BIN1: variants seen among roughly 807,000 people sequenced by gnomAD.
The protein encoded by BIN1 is bridging integrator 1.
BIN1 carries 53 observed loss-of-function variants against 82.0 expected under a neutral mutation model. The observed-to-expected ratio is 0.65, with a 90% CI of 0.52 to 0.81. The LOEUF is 0.81. Among genes scored for constraint, BIN1 ranks in the 40% least tolerant of loss-of-function variants. The pLI is 0.00. For synonymous variants in BIN1, 302 were observed against 328.0 expected, an observed-to-expected ratio of 0.92 and a Z score of 0.86; for missense variants, 642 against 784.4, an observed-to-expected ratio of 0.82 and a Z score of 2.17.
At chr2:127,096,445 C>CCCTCACACAT (rs1302825987) in intron 1 of BIN1, among the ~76,000 whole-genome samples, 1 of 152,166 alleles carries the variant, frequency 6.6e-6, no homozygotes, top group African/African-American at 2.4e-5. Flanking sequence ...CTGCGTGCTT[C>CCCTCACACAT]CCTCACACAT....
chr2:127,065,987 T>C (rs769910711), intron 7 of BIN1, among the ~76,000 whole-genome samples: 2 of 152,172 alleles, frequency 1.3e-5, no homozygotes, highest in South Asian at 4.1e-4. Context: ...CAGAGTCACA[T>C]GGGCCCGGGG....
rs140032790 is a variant in BIN1, at chr2:127,067,177, G to C, written c.612+986C>G. ...ATGAAGATGATGAAATCAAGAGGAG[G>C]CTCCGAAAAAATGGGGCAGCTGCCC... On this transcript the variant is annotated intron_variant, in intron 7 of 18. Coordinates refer to ENST00000316724, the MANE Select transcript of BIN1 (RefSeq NM_139343.3). This position sits in a 1 kb window ranked among gnomAD's most constrained non-coding sequence, Gnocchi z 4.7. Among the ~76,000 whole-genome samples the C allele has an allele frequency of 4.3e-3, 658 of 152,134 alleles. 7 individuals carry two copies. The highest frequency in any genetic ancestry group is 0.015 in the African/African-American group (633 of 41,502).
At chr2:127,056,712 G>A (rs1006351056) in intron 12 of BIN1, among the ~76,000 whole-genome samples, 3 of 152,210 alleles carry the variant, frequency 2.0e-5, no homozygotes, top group East Asian at 3.8e-4. Flanking sequence ...CGGGGAGTGC[G>A]GGGAAGGCCG....
chr2:127,073,551 A>T (rs1257895719), intron 2 of BIN1, among the ~76,000 whole-genome samples: 2 of 152,186 alleles, frequency 1.3e-5, no homozygotes, highest in Non-Finnish European at 2.9e-5. Context: ...CAGTCCCCAC[A>T]GGTGGCCTGA....
chr2:127,063,578 A>G lies in BIN1; in HGVS notation c.767T>C (p.Met256Thr), dbSNP rs975404965. The G allele has an allele frequency of 1.7e-5, 28 of 1,613,700 alleles. No individual in the cohort carries two copies. Among genetic ancestry groups the G allele is most frequent in the Non-Finnish European group, 2.4e-5 (28 of 1,179,928 alleles). The change falls in exon 9 of 19, where the codon ATG becomes ACG. Residue 256 changes from methionine to threonine, a missense_variant. By Grantham distance (81) the Met-to-Thr change is moderately conservative. Coordinates refer to ENST00000316724, the MANE Select transcript of BIN1 (RefSeq NM_139343.3). ...AGLEENFHKE[M>T]SKLNQNLNDV... ...GGGGTCCCCATGGCCTACCTTGCTC[A>G]TCTCCTTGTGGAAGTTTTCCTCCAG...
rs917924946 is a variant in BIN1, at chr2:127,080,345, G to A, written c.85-3639C>T. 3.9e-5 allele frequency among the ~76,000 whole-genome samples: 6 copies of A among 152,368 alleles called. No individual in the cohort carries two copies. In the East Asian group the frequency reaches 9.6e-4, roughly 24 times the overall value. On this transcript the variant is annotated intron_variant, in intron 1 of 18. Transcript: ENST00000316724. ...CTGAGGGACACAGGGGACTCCAGGTGTCCAGGAGGGGCTGGCCCAGCAGCG... is the reference window on the plus strand; with the variant it reads ...CTGAGGGACACAGGGGACTCCAGGTATCCAGGAGGGGCTGGCCCAGCAGCG...
rs780463774 is a variant in BIN1 at position 127,069,015 on chromosome 2, C to T, written c.428G>A (p.Arg143Gln). ...FPDIKSRIAK[R>Q]GRKLVDYDSA... ...GTCGTAGTCCACCAGCTTGCGCCCC[C>T]GCTTGGCAATGCGTGACTGGGGCAG... Residue 143 changes from arginine (R) to glutamine (Q), a missense_variant, in exon 6 of 19, where the codon CGG becomes CAG. By Grantham distance (43) the Arg-to-Gln change is conservative. Coordinates refer to ENST00000316724, the MANE Select transcript of BIN1 (RefSeq NM_139343.3). The T allele has an allele frequency of 3.1e-6, 5 of 1,614,136 alleles. No individual in the cohort carries two copies. The highest frequency in any genetic ancestry group is 2.2e-5 in the South Asian group (2 of 91,086).
In BIN1 at chr2:127,048,187, G is replaced by T. The variant is rs1009331323; in HGVS notation, c.*339C>A. On this transcript the variant is annotated 3_prime_UTR_variant, in exon 19 of 19. Coordinates refer to ENST00000316724, the MANE Select transcript of BIN1 (RefSeq NM_139343.3). ...GCCAGGAAAAGAGGACCCTTGCCCG[G>T]GTGGCGCGGCCGAAGCTTCAGGCAA... 5.4e-6 allele frequency: 2 copies of T among 373,202 alleles called. No homozygotes were observed. Among genetic ancestry groups the T allele is most frequent in the Non-Finnish European group, 1.0e-5 (2 of 196,898 alleles). The allele number at this position is 373,202 out of a possible 1,614,324, so 23.1% of individuals were successfully genotyped here.
chr2:127,051,372 A>AAG, intron 15 of BIN1, 129 bp from the exon 16 acceptor site: 1 of 896,368 alleles, frequency 1.1e-6, no homozygotes, highest in Non-Finnish European at 1.8e-6. Flanking sequence ...AGCAGGGTCT[A>AAG]GAGCTGCCCA....
intron 12 of BIN1, chr2:127,054,466 ATGCCACAGCCACCCTCAG>A (rs1275313088): frequency 5.2e-6 from 1 of 194,090 alleles, no homozygotes; most frequent in African/African-American, 2.3e-5. Context: ...GAGTAACACC[ATGCCACAGCCACCCTCAG>A]TGCTCCCGAC....
chr2:127,063,550 A>G, intron 9 of BIN1, 21 bp downstream of exon 9: 5 of 1,612,184 alleles, frequency 3.1e-6, no homozygotes, highest in South Asian at 1.1e-5. Context: ...GTGGCCCCTC[A>G]GAGGGGTCCC....
At position 127,052,715 on chromosome 2, in the gene BIN1, C is replaced by A. The variant is rs549017238; in HGVS notation, c.1264-353G>T. The A allele has an allele frequency of 2.6e-4, 89 of 345,698 alleles. No individual in the cohort carries two copies. The East Asian group carries it at 3.0e-3, about 11-fold the overall frequency. 21.4% of individuals were successfully genotyped at this position (345,698 alleles called of 1,614,324 possible). ...AGGAGCCTGGGCTGCCAGCGCATGC[C>A]CCAAGGGCGCCTGCACACCCGCCTG... On this transcript the variant is annotated intron_variant, in intron 14 of 18. Transcript: ENST00000316724.
rs913225630 is a variant in BIN1 at position 127,068,904 on chromosome 2, G to A, written c.519+20C>T. 19 of 1,607,276 alleles carry A rather than the reference G, an allele frequency of 1.2e-5. No homozygotes were observed. Among genetic ancestry groups the A allele is most frequent in the Admixed American group, 5.0e-5 (3 of 59,994 alleles). ...CTCAGCCCCCTGCAGACGCTGCCCC[G>A]ACCCGCCTCCAGCCCTTACCTTGGC... On this transcript the variant is annotated intron_variant, in intron 6 of 18. Coordinates refer to ENST00000316724, the MANE Select transcript of BIN1 (RefSeq NM_139343.3). This position sits in a 1 kb window ranked among gnomAD's most constrained non-coding sequence, Gnocchi z 4.9.
intron 1 of BIN1, among the ~76,000 whole-genome samples, chr2:127,084,199 C>A (rs111830147): frequency 2.0e-5 from 3 of 152,276 alleles, no homozygotes; most frequent in African/African-American, 7.2e-5. Context: ...GTCCCCCTGG[C>A]GCACCGTATG....
In BIN1 at chr2:127,091,372, G is replaced by A. The variant is rs539500830; in HGVS notation, c.85-14666C>T. 1.8e-4 allele frequency among the ~76,000 whole-genome samples: 28 copies of A among 152,350 alleles called. No individual in the cohort carries two copies. In the East Asian group the frequency reaches 5.0e-3, roughly 27 times the overall value. On this transcript the variant is annotated intron_variant, in intron 1 of 18. Transcript: ENST00000316724. ...GCCCTGCCCCTCCACACAAGTGTGAGTGCTGTTCTCAGCCACAGGGGCTCC... is the reference window on the plus strand; with the variant it reads ...GCCCTGCCCCTCCACACAAGTGTGAATGCTGTTCTCAGCCACAGGGGCTCC...
At chr2:127,060,499 C>T (rs756489034) in intron 10 of BIN1, 31 of 1,557,066 alleles carry the variant, frequency 2.0e-5, no homozygotes, top group East Asian at 4.5e-5. Context: ...AGCCAGATTA[C>T]GGGTTAGTGG....
chr2:127,101,123 C>T (rs1680297903), intron 1 of BIN1, among the ~76,000 whole-genome samples: 2 of 152,114 alleles, frequency 1.3e-5, no homozygotes, highest in South Asian at 4.1e-4. Context: ...CACCCTCCTC[C>T]TCTCCTTTAG....
chr2:127,057,186 A>G lies in BIN1; in HGVS notation c.1131+287T>C, dbSNP rs2104932308. 6.6e-6 allele frequency among the ~76,000 whole-genome samples: 1 copy of G among 152,294 alleles called. No homozygotes were observed. Among genetic ancestry groups the G allele is most frequent in the African/African-American group, 2.4e-5 (1 of 41,562 alleles). ...TCCACACTCCCCGATCCCCTCTGCC[A>G]TAGCACCCACTGCGTCGCGAGGGCG... On this transcript the variant is annotated intron_variant, in intron 12 of 18. Coordinates refer to ENST00000316724, the MANE Select transcript of BIN1 (RefSeq NM_139343.3). This position sits in a 1 kb window ranked among gnomAD's most constrained non-coding sequence, Gnocchi z 5.0.
chr2:127,050,594 G>A lies in BIN1; in HGVS notation c.1573-72C>T, dbSNP rs7558001. On this transcript the variant is annotated intron_variant, in intron 17 of 18. Coordinates refer to ENST00000316724, the MANE Select transcript of BIN1 (RefSeq NM_139343.3). ...GCCCTGCACAGAGCACGGGCCTTGC[G>A]TGTGGGAGGTGCAGGTGGCAGTATG... 300,176 of 1,543,250 alleles carry A rather than the reference G, an allele frequency of 0.19. 29,757 individuals are homozygous for A. The highest frequency in any genetic ancestry group is 0.26 in the African/African-American group (19,287 of 73,248).
Sources: gnomAD v4.1 joint callset for allele counts (sites outside exome capture counted in the v4.1 genomes callset) on GRCh38, gnomAD v4.1.1 for gene constraint, Gnocchi (gnomAD v3.1) non-coding constraint, MANE v1.5 for transcripts, NCBI Gene and HGNC (gene_info 2026-07-23, HGNC 2026-07-21) for gene names.